The following DNAJB6 variants were observed in gnomAD, a reference collection of about 807,000 sequenced individuals.
The protein encoded by DNAJB6 is DnaJ heat shock protein family (Hsp40) member B6, also known as dnaJ homolog subfamily B member 6.
DNAJB6 carries 16 observed loss-of-function variants against 42.7 expected under a neutral mutation model. The observed-to-expected ratio is 0.37, with a 90% CI of 0.25 to 0.57. DNAJB6 has a LOEUF of 0.57. DNAJB6 is among the 20% of genes least tolerant of loss of function. The pLI is 0.74. For synonymous variants in DNAJB6, 170 were observed against 163.5 expected (o/e 1.04, Z -0.30); for missense variants, 347 against 416.8 (o/e 0.83, Z 1.46).
At chr7:157,396,806 G>T (rs193121671) in intron 8 of DNAJB6, among the ~76,000 whole-genome samples, 16 of 152,280 alleles carry the variant, frequency 1.1e-4, no homozygotes, top group African/African-American at 3.1e-4. Flanking sequence ...AGGCCACAGC[G>T]TATCCCCCGA....
intron 8 of DNAJB6, among the ~76,000 whole-genome samples, chr7:157,405,369 GTT>G (rs925737795): frequency 1.4e-4 from 22 of 152,194 alleles, no homozygotes; most frequent in African/African-American, 4.6e-4. Context: ...AGGCTGGCTT[GTT>G]CCGTCCTGGG....
chr7:157,357,041 G>A (rs1799314793), intron 1 of DNAJB6, among the ~76,000 whole-genome samples: 1 of 150,250 alleles, frequency 6.7e-6, no homozygotes. Context: ...GCTCATGCCT[G>A]CAGTCCCAGC....
intron 8 of DNAJB6, among the ~76,000 whole-genome samples, chr7:157,398,261 G>C (rs917616351): frequency 6.6e-6 from 1 of 152,202 alleles, no homozygotes; most frequent in African/African-American, 2.4e-5. Flanking sequence ...TTAAATGTTT[G>C]AATGAGCCCA....
Position 157,369,962 on chromosome 7 carries a change from G to A in DNAJB6, c.346+2479G>A, listed in dbSNP as rs868414581. Among the ~76,000 whole-genome samples, 105 of 121,478 alleles carry A rather than the reference G, an allele frequency of 8.6e-4. 1 individual carries two copies. Among genetic ancestry groups the A allele is most frequent in the African/African-American group, 2.8e-3 (83 of 29,718 alleles). The allele number at this position is 121,478 out of a possible 152,430, so 79.7% of individuals were successfully genotyped here. On this transcript the variant is annotated intron_variant, in intron 5 of 9. Transcript: ENST00000262177. ...GGGACCCTTCTTAAGATTATTAAAC[G>A]GGCCCTTTCTTAACATTATTATTAA...
rs199561404 is a variant in DNAJB6, at chr7:157,366,481, G to A, written c.176-21G>A. On this transcript the variant is annotated intron_variant, in intron 3 of 9. Transcript: ENST00000262177. ...GGTTTAAAAGGAACTTGGCCTTACC[G>A]ACTTTTCTTTCAATTTTTAGCTAAG... 3.3e-5 allele frequency: 53 copies of A among 1,612,902 alleles called. No homozygotes were observed. In the East Asian group the frequency reaches 4.9e-4, roughly 15 times the overall value.
chr7:157,358,753 G>C, intron 2 of DNAJB6, 116 bp downstream of exon 2: 1 of 773,532 alleles, frequency 1.3e-6, no homozygotes, highest in Non-Finnish European at 2.2e-6. Flanking sequence ...ACCAGTCTTT[G>C]AATGCCACAT....
chr7:157,345,346 C>T (rs912675407), intron 1 of DNAJB6, among the ~76,000 whole-genome samples: 3 of 152,084 alleles, frequency 2.0e-5, no homozygotes, highest in African/African-American at 7.2e-5. Flanking sequence ...GGGCCTTGCC[C>T]TGTCTCTTGT....
intron 8 of DNAJB6, among the ~76,000 whole-genome samples, chr7:157,389,243 C>T (rs779847008): frequency 6.6e-6 from 1 of 152,170 alleles, no homozygotes; most frequent in Non-Finnish European, 1.5e-5. Flanking sequence ...TCATTTCTTT[C>T]CGGGAATACT....
At chr7:157,384,783 C>G (rs1800969761) in intron 6 of DNAJB6, 84 bp from the exon 7 acceptor site, 2 of 1,331,610 alleles carry the variant, frequency 1.5e-6, no homozygotes, top group Admixed American at 3.8e-5. Context: ...ATTAAATATT[C>G]TGCTACTGAA....
At chr7:157,373,495 T>G (rs1302212369) in intron 5 of DNAJB6, among the ~76,000 whole-genome samples, 3 of 152,098 alleles carry the variant, frequency 2.0e-5, no homozygotes, top group Non-Finnish European at 4.4e-5. Flanking sequence ...GGATTTCAGG[T>G]ACCCACCACC....
chr7:157,392,207 CAA>C (rs1801380761), intron 8 of DNAJB6, among the ~76,000 whole-genome samples: 2 of 151,874 alleles, frequency 1.3e-5, no homozygotes, highest in African/African-American at 4.8e-5. Context: ...TACTGTCTGT[CAA>C]CAGTTTCTAA....
intron 5 of DNAJB6, chr7:157,380,879 T>A (rs1482079157): frequency 1.3e-5 from 2 of 152,452 alleles, no homozygotes; most frequent in African/African-American, 2.4e-5. Flanking sequence ...TCTCACTATT[T>A]ACTATTTGCG....
chr7:157,386,315 G>A, intron 8 of DNAJB6: 1 of 985,154 alleles, frequency 1.0e-6, no homozygotes, highest in Non-Finnish European at 1.2e-6. Flanking sequence ...CTTCCTGAGT[G>A]GGATCTGGAG....
At chr7:157,374,249 G>A (rs1008843694) in intron 5 of DNAJB6, among the ~76,000 whole-genome samples, 5 of 152,090 alleles carry the variant, frequency 3.3e-5, no homozygotes, top group Non-Finnish European at 5.9e-5. Context: ...TTGAGATGGA[G>A]CTGTTTTTTG....
intron 5 of DNAJB6, among the ~76,000 whole-genome samples, chr7:157,372,754 A>G (rs1324349161): frequency 2.0e-5 from 3 of 152,116 alleles, no homozygotes; most frequent in African/African-American, 7.2e-5. Context: ...ACCAAAATGT[A>G]CCATCTCCCA....
intron 1 of DNAJB6, among the ~76,000 whole-genome samples, chr7:157,343,840 AT>A (rs1411494731): frequency 6.6e-6 from 1 of 152,052 alleles, no homozygotes; most frequent in African/African-American, 2.4e-5. Flanking sequence ...GATTAGGCTA[AT>A]TTTTTTCATG....
intron 8 of DNAJB6, among the ~76,000 whole-genome samples, chr7:157,392,851 T>C (rs1174580949): frequency 3.3e-5 from 5 of 152,240 alleles, no homozygotes; most frequent in Non-Finnish European, 7.3e-5. Context: ...ATTGTATCAC[T>C]ACATGAAGCT....
chr7:157,363,040 C>G (rs952079868), intron 2 of DNAJB6, 121 bp from the exon 3 acceptor site: 5 of 609,256 alleles, frequency 8.2e-6, no homozygotes, highest in African/African-American at 1.9e-5. Context: ...ACAGTTAAAA[C>G]CAGTATTCAT....
At chr7:157,351,974 G>A (rs564938445) in intron 1 of DNAJB6, among the ~76,000 whole-genome samples, 28 of 152,118 alleles carry the variant, frequency 1.8e-4, no homozygotes, top group African/African-American at 5.5e-4. Context: ...CAGCCTGGGC[G>A]TCAGAGAGCG....
Sources: allele counts gnomAD v4.1 joint callset (sites outside exome capture counted in the v4.1 genomes callset), GRCh38; gene constraint gnomAD v4.1.1; transcripts MANE v1.5; gene names NCBI Gene and HGNC (gene_info 2026-07-23, HGNC 2026-07-21).